The following PHLDB2 variants were observed in gnomAD, a reference collection of about 807,000 sequenced individuals.
The protein encoded by PHLDB2 is pleckstrin homology-like domain family B member 2.
A neutral mutation model predicts 123.6 loss-of-function variants in PHLDB2; 71 were observed. The observed-to-expected ratio is 0.57, with a 90% CI of 0.47 to 0.70. The LOEUF (loss-of-function observed/expected upper bound fraction) is 0.70. PHLDB2 is among the 30% of genes least tolerant of loss of function. The pLI, the probability that PHLDB2 is intolerant of heterozygous loss-of-function variation, is 0.00. For missense variants in PHLDB2, 1,446 were observed against 1,519.5 expected (o/e 0.95, Z 0.80); for synonymous variants, 547 against 541.6 (o/e 1.01, Z -0.14).
chr3:111,873,422 G>A (rs939204958), intron 1 of PHLDB2, among the ~76,000 whole-genome samples: 1 of 152,178 alleles, frequency 6.6e-6, no homozygotes, highest in African/African-American at 2.4e-5. Flanking sequence ...AGGTGGTTAA[G>A]TAGCATTTCC....
At chr3:111,793,116 G>T (rs2060998348) in intron 1 of PHLDB2, among the ~76,000 whole-genome samples, 1 of 152,166 alleles carries the variant, frequency 6.6e-6, no homozygotes, top group Non-Finnish European at 1.5e-5. Context: ...CTTGCCTTCA[G>T]GGGGCAAGCT....
chr3:111,935,182 C>T (rs1414257519), intron 6 of PHLDB2, among the ~76,000 whole-genome samples: 1 of 146,048 alleles, frequency 6.8e-6, no homozygotes, highest in Non-Finnish European at 1.5e-5. Flanking sequence ...TCACTGCAAG[C>T]TCCACCTCCC....
intron 1 of PHLDB2, among the ~76,000 whole-genome samples, chr3:111,763,600 GA>G (rs2060030828): frequency 6.6e-6 from 1 of 152,096 alleles, no homozygotes; most frequent in South Asian, 2.1e-4. Flanking sequence ...CTACTGCAAG[GA>G]AAAGAGCAGT....
At chr3:111,831,030 A>AAAGAAAGAAAGAAAGAAAGAAAGAAAGG (rs1559855366) in intron 1 of PHLDB2, among the ~76,000 whole-genome samples, 11 of 72,056 alleles carry the variant, frequency 1.5e-4, no homozygotes, top group Non-Finnish European at 2.9e-4. Flanking sequence ...AGAAAGAAAG[A>AAAGAAAGAAAGAAAGAAAGAAAGAAAGG]AAGGAAGGAA....
chr3:111,955,179 T>G (rs2070978050), intron 12 of PHLDB2, among the ~76,000 whole-genome samples: 1 of 135,958 alleles, frequency 7.4e-6, no homozygotes, highest in Non-Finnish European at 1.6e-5. Context: ...GGAACGAGGT[T>G]TTCAAATCAT....
chr3:111,931,584 G>A (rs747412159), intron 5 of PHLDB2, among the ~76,000 whole-genome samples: 5 of 151,948 alleles, frequency 3.3e-5, no homozygotes, highest in Admixed American at 6.6e-5. Context: ...CGCAGTCCCC[G>A]TCACATTTTT....
intron 6 of PHLDB2, among the ~76,000 whole-genome samples, chr3:111,932,696 CA>C (rs757487345): frequency 8.5e-5 from 13 of 152,064 alleles, no homozygotes; most frequent in Non-Finnish European, 1.6e-4. Flanking sequence ...AACATTATAG[CA>C]TTTGTATTAA....
intron 1 of PHLDB2, among the ~76,000 whole-genome samples, chr3:111,795,169 C>T (rs1030722729): frequency 2.0e-5 from 3 of 152,168 alleles, no homozygotes; most frequent in Admixed American, 1.3e-4. Context: ...AGAAGTTCCT[C>T]AACCCTCAGA....
At chr3:111,943,046 A>G (rs1362269183) in intron 8 of PHLDB2, among the ~76,000 whole-genome samples, 1 of 152,074 alleles carries the variant, frequency 6.6e-6, no homozygotes, top group Non-Finnish European at 1.5e-5. Context: ...GTTACCACCA[A>G]TAATCAACTG....
At position 111,882,871 on chromosome 3, in the gene PHLDB2, A is replaced by G. The variant is rs572228457; in HGVS notation, c.-14-1193A>G. ...CTTATGTTCATCAAGTTTTTCACCT[A>G]TAGGACAACAAGAGCTAGAGGGGTG... is the stretch of plus-strand genomic sequence containing the variant. On this transcript the variant is annotated intron_variant, in intron 1 of 17. Transcript: ENST00000431670. 1.2e-4 allele frequency among the ~76,000 whole-genome samples: 19 copies of G among 152,330 alleles called. 1 individual carries two copies. The highest frequency in any genetic ancestry group is 4.3e-4 in the African/African-American group (18 of 41,576).
intron 1 of PHLDB2, among the ~76,000 whole-genome samples, chr3:111,742,839 T>C (rs1199592063): frequency 6.6e-6 from 1 of 152,180 alleles, no homozygotes; most frequent in African/African-American, 2.4e-5. Flanking sequence ...ATAGATCCAA[T>C]AAGAAGACAT....
intron 1 of PHLDB2, among the ~76,000 whole-genome samples, chr3:111,790,216 G>A (rs1202545340): frequency 2.6e-5 from 4 of 152,064 alleles, no homozygotes; most frequent in Non-Finnish European, 4.4e-5. Flanking sequence ...TGAATATTCA[G>A]CTTCCCTTAT....
chr3:111,896,355 CCCG>C (rs2066866554), intron 2 of PHLDB2, among the ~76,000 whole-genome samples: 1 of 88,342 alleles, frequency 1.1e-5, no homozygotes, highest in East Asian at 1.9e-3. Context: ...TTTTTCTTCC[CCCG>C]CCCCGAGACG....
intron 1 of PHLDB2, among the ~76,000 whole-genome samples, chr3:111,790,648 C>A (rs976560631): frequency 6.6e-6 from 1 of 152,090 alleles, no homozygotes; most frequent in Non-Finnish European, 1.5e-5. Flanking sequence ...ATGAGGTGAG[C>A]GCAGTGCAAG....
Position 111,963,237 on chromosome 3 carries a change from C to T in PHLDB2, c.3077+925C>T, listed in dbSNP as rs113679798. Among the ~76,000 whole-genome samples the T allele has an allele frequency of 7.9e-4, 121 of 152,258 alleles. 1 individual carries two copies. The highest frequency in any genetic ancestry group is 2.3e-3 in the African/African-American group (94 of 41,546). ...GTCCAGCCCAACTCCCGTTCATTCT[C>T]CCGATAAACCTCACAGAGCTTAATG... is the stretch of plus-strand genomic sequence containing the variant. On this transcript the variant is annotated intron_variant, in intron 13 of 17. Transcript: ENST00000431670.
chr3:111,761,934 C>T (rs1212631318), intron 1 of PHLDB2, among the ~76,000 whole-genome samples: 2 of 152,050 alleles, frequency 1.3e-5, no homozygotes, highest in Non-Finnish European at 1.5e-5. Flanking sequence ...AGAGTAATTA[C>T]CCCCAGCCTG....
intron 2 of PHLDB2, among the ~76,000 whole-genome samples, chr3:111,897,331 C>T (rs2066931993): frequency 6.6e-6 from 1 of 152,194 alleles, no homozygotes; most frequent in Non-Finnish European, 1.5e-5. Context: ...GTTGGGTCCC[C>T]AGTCTGCCTT....
intron 1 of PHLDB2, among the ~76,000 whole-genome samples, chr3:111,786,644 G>A (rs960256083): frequency 5.3e-5 from 8 of 152,062 alleles, no homozygotes; most frequent in African/African-American, 1.9e-4. Flanking sequence ...GGCAACTTAG[G>A]GGATTGGCAG....
chr3:111,732,522 A>G, exon 1 of PHLDB2: 7 of 1,104,930 alleles, frequency 6.3e-6, no homozygotes, highest in South Asian at 1.3e-5. Flanking sequence ...GAGGCCAGAG[A>G]GAGCAGGAAA....
Sources: allele counts gnomAD v4.1 joint callset (sites outside exome capture counted in the v4.1 genomes callset), GRCh38; gene constraint gnomAD v4.1.1; transcripts MANE v1.5; gene names NCBI Gene and HGNC (gene_info 2026-07-23, HGNC 2026-07-21).